The following RGS7 variants were observed in gnomAD, a reference collection of about 807,000 sequenced individuals.
The protein encoded by RGS7 is regulator of G protein signaling 7.
A neutral mutation model predicts 81.1 loss-of-function variants in RGS7; 27 were observed. The observed-to-expected ratio is 0.33, with a 90% CI of 0.25 to 0.46. The LOEUF (loss-of-function observed/expected upper bound fraction) is 0.46, where lower values mean the gene tolerates loss of function less well. Among genes scored for constraint, RGS7 ranks in the 20% least tolerant of loss-of-function variants. The probability of loss-of-function intolerance (pLI) is 1.00; values close to 1 mark genes in which losing one functional copy is unlikely to be tolerated. For missense variants in RGS7, 396 were observed against 607.4 expected (o/e 0.65, Z 3.66); for synonymous variants, 208 against 207.7 (o/e 1.00, Z -0.01).
intron 2 of RGS7, among the ~76,000 whole-genome samples, chr1:241,141,686 A>C (rs73129640): frequency 0.039 from 5,978 of 152,220 alleles, 388 homozygotes; most frequent in African/African-American, 0.14. Flanking sequence ...ATTACCTCCC[A>C]TAGGGTCCCT....
At chr1:241,064,384 G>A (rs2061933896) in intron 3 of RGS7, among the ~76,000 whole-genome samples, 1 of 137,870 alleles carries the variant, frequency 7.3e-6, no homozygotes, top group Non-Finnish European at 1.6e-5. Flanking sequence ...CCAGGAATTG[G>A]AGAACAGCCT....
intron 2 of RGS7, among the ~76,000 whole-genome samples, chr1:241,141,186 T>A (rs1222535269): frequency 6.6e-6 from 1 of 152,168 alleles, no homozygotes; most frequent in Non-Finnish European, 1.5e-5. Flanking sequence ...CTAAATTCTC[T>A]ACTGATTGGG....
intron 6 of RGS7, among the ~76,000 whole-genome samples, chr1:240,929,498 G>A (rs1675038491): frequency 6.6e-6 from 1 of 151,904 alleles, no homozygotes; most frequent in African/African-American, 2.4e-5. Flanking sequence ...CATGAGTTAT[G>A]TTAGTTTCGA....
At chr1:241,207,537 A>G (rs1344293602) in intron 2 of RGS7, among the ~76,000 whole-genome samples, 3 of 151,988 alleles carry the variant, frequency 2.0e-5, no homozygotes, top group Non-Finnish European at 4.4e-5. Context: ...GCTCAGGGAG[A>G]CAGAGAACTA....
At chr1:241,253,676 C>A (rs770789955) in intron 2 of RGS7, among the ~76,000 whole-genome samples, 6 of 152,204 alleles carry the variant, frequency 3.9e-5, no homozygotes, top group African/African-American at 9.6e-5. Context: ...ACACATTTCT[C>A]TCCTTCCATA....
At chr1:241,220,203 C>T (rs2815864) in intron 2 of RGS7, among the ~76,000 whole-genome samples, 90,416 of 152,028 alleles carry the variant, frequency 0.59, 26,968 homozygotes, top group East Asian at 0.81. Flanking sequence ...AACTCCAGAT[C>T]TTAACTCTGC....
chr1:241,331,538 T>C (rs2081980113), intron 2 of RGS7, among the ~76,000 whole-genome samples: 1 of 152,212 alleles, frequency 6.6e-6, no homozygotes, highest in Non-Finnish European at 1.5e-5. Flanking sequence ...CCATTGATAT[T>C]ATATTATTAT....
intron 2 of RGS7, among the ~76,000 whole-genome samples, chr1:241,270,958 C>T (rs1322484199): frequency 2.6e-5 from 4 of 152,152 alleles, no homozygotes; most frequent in African/African-American, 9.6e-5. Context: ...GGGGTTTCAC[C>T]GTGTTAGCCA....
chr1:240,977,149 T>C (rs1018575647), intron 4 of RGS7, among the ~76,000 whole-genome samples: 2 of 148,852 alleles, frequency 1.3e-5, no homozygotes, highest in Admixed American at 6.7e-5. Context: ...CATTGCTTTG[T>C]CCTGTTTCTC....
intron 2 of RGS7, among the ~76,000 whole-genome samples, chr1:241,270,761 CT>C (rs1043826920): frequency 1.4e-4 from 21 of 148,902 alleles, no homozygotes; most frequent in African/African-American, 4.5e-4. Flanking sequence ...ACCCCCCCCC[CT>C]TTTTTTTTTT....
chr1:241,352,689 GT>G (rs2083322171), intron 2 of RGS7, among the ~76,000 whole-genome samples: 1 of 152,186 alleles, frequency 6.6e-6, no homozygotes, highest in Non-Finnish European at 1.5e-5. Flanking sequence ...AACAATCAGA[GT>G]TTTATCCGCT....
chr1:241,159,514 C>CCACT (rs61527533), intron 2 of RGS7, among the ~76,000 whole-genome samples: 2,059 of 152,170 alleles, frequency 0.014, 30 homozygotes, highest in African/African-American at 0.047. Context: ...ATCCACCCAC[C>CCACT]CACTCACCTA....
chr1:241,212,121 AAT>A (rs764868835), intron 2 of RGS7, among the ~76,000 whole-genome samples: 2 of 151,750 alleles, frequency 1.3e-5, no homozygotes, highest in Non-Finnish European at 2.9e-5. Flanking sequence ...ATTAATAAAT[AAT>A]AGTTAATTAT....
chr1:240,845,924 C>T (rs1380669904), intron 9 of RGS7, among the ~76,000 whole-genome samples: 1 of 152,170 alleles, frequency 6.6e-6, no homozygotes, highest in Non-Finnish European at 1.5e-5. Context: ...TCATCTCTGG[C>T]CACTGCTGCC....
At chr1:241,201,728 T>C (rs2073515181) in intron 2 of RGS7, among the ~76,000 whole-genome samples, 1 of 152,158 alleles carries the variant, frequency 6.6e-6, no homozygotes, top group African/African-American at 2.4e-5. Context: ...TCCTCATTAG[T>C]TGAATCTTCA....
chr1:241,211,045 G>C (rs2074213797), intron 2 of RGS7, among the ~76,000 whole-genome samples: 1 of 152,186 alleles, frequency 6.6e-6, no homozygotes, highest in Admixed American at 6.5e-5. Context: ...AGCACTTTGG[G>C]AGGACGAGAA....
At chr1:240,812,847 A>AG (rs1443796630) in intron 13 of RGS7, among the ~76,000 whole-genome samples, 5 of 152,292 alleles carry the variant, frequency 3.3e-5, no homozygotes, top group African/African-American at 1.2e-4. Context: ...TGTCAATTAA[A>AG]TCTGTGACCT....
At chr1:241,264,289 G>T (rs1460063696) in intron 2 of RGS7, among the ~76,000 whole-genome samples, 3 of 152,180 alleles carry the variant, frequency 2.0e-5, no homozygotes, top group African/African-American at 7.2e-5. Context: ...TTTGAGGTCA[G>T]GAGTTCAAGA....
chr1:241,146,946 A>G (rs759060923), intron 2 of RGS7, among the ~76,000 whole-genome samples: 6 of 152,152 alleles, frequency 3.9e-5, no homozygotes, highest in African/African-American at 1.4e-4. Flanking sequence ...CCAGCCTCCT[A>G]ATACCATCGT....
Sources: gnomAD v4.1 joint callset for allele counts (sites outside exome capture counted in the v4.1 genomes callset) on GRCh38, gnomAD v4.1.1 for gene constraint, MANE v1.5 for transcripts, NCBI Gene and HGNC (gene_info 2026-07-23, HGNC 2026-07-21) for gene names.